SH3BGRL2: variants seen among roughly 807,000 people sequenced by gnomAD.
SH3BGRL2 encodes the protein SH3 domain-binding glutamic acid-rich-like protein 2.
In SH3BGRL2, 21 loss-of-function variants were observed where a neutral mutation model predicts 14.8. That is an observed-to-expected ratio of 1.42 (90% confidence interval 1.01 to 2.05). The LOEUF (loss-of-function observed/expected upper bound fraction) is 2.05, where lower values mean the gene tolerates loss of function less well. Among genes scored for constraint, SH3BGRL2 ranks in the 30% most tolerant of loss-of-function variants. The pLI, the probability that SH3BGRL2 is intolerant of heterozygous loss-of-function variation, is 0.00. For missense variants in SH3BGRL2, 147 were observed against 130.8 expected, an observed-to-expected ratio of 1.12 and a Z score of -0.61; for synonymous variants, 50 against 47.8, an observed-to-expected ratio of 1.05 and a Z score of -0.19.
chr6:79,627,526 G>A (rs1768757143), upstream of SH3BGRL2, among the ~76,000 whole-genome samples: 1 of 152,140 alleles, frequency 6.6e-6, no homozygotes, highest in Non-Finnish European at 1.5e-5. Flanking sequence ...TGAGGCTTAT[G>A]GAGGTGATGA....
At chr6:79,550,865 T>C in the SH3BGRL2 span, among the ~76,000 whole-genome samples, 2 of 152,202 alleles carry the variant, frequency 1.3e-5, no homozygotes, top group African/African-American at 4.8e-5. Flanking sequence ...TCATTTGTAC[T>C]TCAGTCTCGT....
intron 1 of SH3BGRL2, among the ~76,000 whole-genome samples, chr6:79,667,476 TCACTCTGTCGCC>T (rs1769683506): frequency 6.6e-6 from 1 of 151,470 alleles, no homozygotes; most frequent in Non-Finnish European, 1.5e-5. Context: ...AGACAGAGTC[TCACTCTGTCGCC>T]CAGGCTGGAG....
At chr6:79,651,590 C>G (rs932416796) in intron 1 of SH3BGRL2, among the ~76,000 whole-genome samples, 2 of 121,530 alleles carry the variant, frequency 1.6e-5, no homozygotes. Context: ...GAGCCACTTG[C>G]ATTACATCAA....
rs1027759342 is a variant in SH3BGRL2 at position 79,698,274 on chromosome 6, G to A, written c.313-1224G>A. Among the ~76,000 whole-genome samples, 4 of 152,092 alleles carry A rather than the reference G, an allele frequency of 2.6e-5. No homozygotes were observed. In the East Asian group the frequency reaches 5.8e-4, roughly 22 times the overall value. ...TAATAGTAACTCATACTTCATCGTCGTATGAGAGAAGTGAAAATGTCTTCA... is the reference window on the plus strand; with the variant it reads ...TAATAGTAACTCATACTTCATCGTCATATGAGAGAAGTGAAAATGTCTTCA... On this transcript the variant is annotated intron_variant, in intron 3 of 3. Transcript: ENST00000369838.
At position 79,693,702 on chromosome 6, in the gene SH3BGRL2, T is replaced by C. The variant is rs141262252; in HGVS notation, c.232-2783T>C. On this transcript the variant is annotated intron_variant, in intron 2 of 3. Transcript: ENST00000369838. ...TTGAACCAGCCATGCATCCCAGGGA[T>C]GAAGCCCGCTTGATCATAGTGGATA... 2.3e-3 allele frequency among the ~76,000 whole-genome samples: 344 copies of C among 152,346 alleles called. 1 individual carries two copies. Among genetic ancestry groups the C allele is most frequent in the African/African-American group, 8.0e-3 (331 of 41,584 alleles).
intron 1 of SH3BGRL2, among the ~76,000 whole-genome samples, chr6:79,640,031 T>C (rs1769000413): frequency 6.6e-6 from 1 of 152,208 alleles, no homozygotes; most frequent in East Asian, 1.9e-4. Flanking sequence ...TCCTTCTAGT[T>C]TTAGCTTAAG....
intron 1 of SH3BGRL2, among the ~76,000 whole-genome samples, chr6:79,645,193 ATAGCCT>A (rs894078346): frequency 2.0e-5 from 3 of 152,092 alleles, no homozygotes; most frequent in East Asian, 3.8e-4. Flanking sequence ...TAAATGGAAC[ATAGCCT>A]TAGGAATACC....
In SH3BGRL2 at chr6:79,673,772, G is replaced by C. The variant is rs1452509792; in HGVS notation, c.204G>C (p.Gln68His). The C allele has an allele frequency of 1.9e-6, 3 of 1,613,958 alleles. No individual in the cohort carries two copies. Among genetic ancestry groups the C allele is most frequent in the Non-Finnish European group, 2.5e-6 (3 of 1,179,968 alleles). ...KPTQGNPLPP[Q>H]IFNGDRYCGD... is the part of the protein sequence containing the mutation. Reference sequence around the variant, plus strand: ...CTCAGGGCAACCCCCTGCCACCTCAGATATTTAATGGCGACCGATACTGTG... The same window carrying C: ...CTCAGGGCAACCCCCTGCCACCTCACATATTTAATGGCGACCGATACTGTG... The change falls in exon 2 of 4, where the codon CAG becomes CAC. Residue 68 changes from glutamine to histidine, a missense_variant. By Grantham distance (24) the Gln-to-His change is conservative. Transcript: ENST00000369838.
At chr6:79,573,203 TC>T in the SH3BGRL2 span, among the ~76,000 whole-genome samples, 16 of 152,258 alleles carry the variant, frequency 1.1e-4, no homozygotes, top group South Asian at 3.3e-3. Context: ...ATTTTATTTT[TC>T]CCTCTGTATA....
the SH3BGRL2 span, among the ~76,000 whole-genome samples, chr6:79,623,081 AG>A: frequency 6.6e-6 from 1 of 152,096 alleles, no homozygotes; most frequent in Non-Finnish European, 1.5e-5. Flanking sequence ...TGAGGTGGGC[AG>A]ATCACTTGAG....
At position 79,658,257 on chromosome 6, in the gene SH3BGRL2, G is replaced by A. The variant is rs111766676; in HGVS notation, c.46-15357G>A. On this transcript the variant is annotated intron_variant, in intron 1 of 3. Transcript: ENST00000369838. ...GGTTTGCTGCACCCATCAACTCATC[G>A]TTTACATCAGATATTCTAATGCTAT... Among the ~76,000 whole-genome samples the A allele has an allele frequency of 7.8e-3, 1,193 of 152,166 alleles. 15 individuals carry two copies. The highest frequency in any genetic ancestry group is 0.028 in the African/African-American group (1,145 of 41,500).
At chr6:79,659,488 T>C (rs1362924953) in intron 1 of SH3BGRL2, among the ~76,000 whole-genome samples, 1 of 152,192 alleles carries the variant, frequency 6.6e-6, no homozygotes, top group African/African-American at 2.4e-5. Context: ...TTCTGTTCCA[T>C]TGGTCTATAT....
intron 1 of SH3BGRL2, among the ~76,000 whole-genome samples, chr6:79,651,137 C>T (rs115589662): frequency 4.1e-4 from 62 of 152,172 alleles, no homozygotes; most frequent in Middle Eastern, 6.8e-3. Context: ...GTGGCATCTA[C>T]GCACATTGAT....
At chr6:79,652,142 A>G (rs557330397) in intron 1 of SH3BGRL2, among the ~76,000 whole-genome samples, 1 of 152,326 alleles carries the variant, frequency 6.6e-6, no homozygotes, top group African/African-American at 2.4e-5. Context: ...AAGAATAAAT[A>G]GAACTTGGAT....
At chr6:79,653,294 G>A (rs1769341990) in intron 1 of SH3BGRL2, among the ~76,000 whole-genome samples, 1 of 152,074 alleles carries the variant, frequency 6.6e-6, no homozygotes, top group Non-Finnish European at 1.5e-5. Flanking sequence ...ATAAAATTGG[G>A]TGTGTTCCCT....
chr6:79,541,014 A>T, the SH3BGRL2 span, among the ~76,000 whole-genome samples: 1 of 152,266 alleles, frequency 6.6e-6, no homozygotes, highest in Middle Eastern at 3.4e-3. Context: ...GCACTTTGGT[A>T]GGCCGAAGTG....
At chr6:79,538,589 C>T in the SH3BGRL2 span, among the ~76,000 whole-genome samples, 1 of 152,200 alleles carries the variant, frequency 6.6e-6, no homozygotes. Flanking sequence ...TCTCTGCTGA[C>T]ACTGTTAAAA....
At chr6:79,573,065 A>G in the SH3BGRL2 span, among the ~76,000 whole-genome samples, 3 of 152,162 alleles carry the variant, frequency 2.0e-5, no homozygotes, top group Non-Finnish European at 4.4e-5. Context: ...TGATATCAAA[A>G]TCTTTCCCAA....
At chr6:79,581,065 T>C in the SH3BGRL2 span, among the ~76,000 whole-genome samples, 1 of 152,064 alleles carries the variant, frequency 6.6e-6, no homozygotes. Context: ...CCTGGACACA[T>C]ACACCCTCCC....
Sources: allele counts gnomAD v4.1 joint callset (sites outside exome capture counted in the v4.1 genomes callset), GRCh38; gene constraint gnomAD v4.1.1; transcripts MANE v1.5; gene names NCBI Gene and HGNC (gene_info 2026-07-23, HGNC 2026-07-21).